Variants in SNX24 observed in about 807,000 individuals in gnomAD.
SNX24 encodes sorting nexin 24, also known as sorting nexin-24.
SNX24 carries 22 observed loss-of-function variants against 28.7 expected under a neutral mutation model. That is an observed-to-expected ratio of 0.77 (90% CI 0.55 to 1.10). The LOEUF is 1.10. Ranked by LOEUF, SNX24 falls within the 50% of genes least tolerant of loss-of-function variation. The probability of loss-of-function intolerance (pLI) is 0.00; values close to 1 mark genes in which losing one functional copy is unlikely to be tolerated. For synonymous variants in SNX24, 69 were observed against 71.5 expected (o/e 0.96, Z 0.18); for missense variants, 221 against 201.1 (o/e 1.10, Z -0.60).
chr5:122,887,210 A>G (rs556383088), intron 1 of SNX24, among the ~76,000 whole-genome samples: 53 of 152,330 alleles, frequency 3.5e-4, no homozygotes, highest in African/African-American at 1.2e-3. Flanking sequence ...TCCATTCACA[A>G]GTCTGAGTTG....
chr5:122,944,493 C>T (rs565675069), intron 2 of SNX24, among the ~76,000 whole-genome samples: 2 of 152,250 alleles, frequency 1.3e-5, no homozygotes, highest in African/African-American at 4.8e-5. Flanking sequence ...CAGTGCTAGC[C>T]ACATCCCTTA....
intron 1 of SNX24, among the ~76,000 whole-genome samples, chr5:122,886,097 C>T (rs958708333): frequency 3.3e-5 from 5 of 152,106 alleles, no homozygotes; most frequent in African/African-American, 9.7e-5. Flanking sequence ...GGTTGTACTC[C>T]AAAGTGCCAG....
intron 1 of SNX24, among the ~76,000 whole-genome samples, chr5:122,890,493 G>A (rs1447415333): frequency 3.1e-5 from 4 of 127,670 alleles, no homozygotes; most frequent in African/African-American, 6.1e-5. Context: ...TTTTTGACAC[G>A]GAATCTCACT....
chr5:122,982,756 A>G (rs1270352443), intron 3 of SNX24, among the ~76,000 whole-genome samples: 1 of 152,214 alleles, frequency 6.6e-6, no homozygotes, highest in Non-Finnish European at 1.5e-5. Context: ...TGGCTCAAAG[A>G]ATTTACTTTG....
intron 3 of SNX24, among the ~76,000 whole-genome samples, chr5:122,967,247 G>A (rs905705565): frequency 1.3e-5 from 2 of 152,132 alleles, no homozygotes; most frequent in Non-Finnish European, 2.9e-5. Flanking sequence ...CACCATACTA[G>A]CTCAGCAGCA....
chr5:123,000,645 A>C (rs1762214763), intron 4 of SNX24, among the ~76,000 whole-genome samples: 1 of 152,194 alleles, frequency 6.6e-6, no homozygotes, highest in Admixed American at 6.5e-5. Context: ...GTTTGATATC[A>C]TCAGCAATTA....
chr5:122,942,983 A>AT (rs1561633493), intron 2 of SNX24, among the ~76,000 whole-genome samples: 2 of 152,130 alleles, frequency 1.3e-5, no homozygotes, highest in Non-Finnish European at 2.9e-5. Flanking sequence ...AATAGAGTTG[A>AT]TTTTCTATTC....
rs78246823 is a variant in SNX24 at position 122,870,215 on chromosome 5, C to G, written c.60+24522C>G. Among the ~76,000 whole-genome samples the G allele has an allele frequency of 7.7e-3, 1,179 of 152,274 alleles. 9 individuals are homozygous for G. The highest frequency in any genetic ancestry group is 0.012 in the Non-Finnish European group (794 of 68,008). ...ACAAAGCTTTTTAGTCTCTATCAAC[C>G]TAAAGATCTTTGTTGTTATTCAAAA... On this transcript the variant is annotated intron_variant, in intron 1 of 6. Transcript: ENST00000261369.
intron 5 of SNX24, 66 bp downstream of exon 5, chr5:123,001,503 ATG>A: frequency 8.9e-7 from 1 of 1,122,850 alleles, no homozygotes. Flanking sequence ...ATCACCTACG[ATG>A]TGTTTCAAGT....
intron 1 of SNX24, among the ~76,000 whole-genome samples, chr5:122,928,097 A>G (rs1758780185): frequency 6.6e-6 from 1 of 152,052 alleles, no homozygotes; most frequent in African/African-American, 2.4e-5. Context: ...TGTTGGTTCT[A>G]CTTTCACTCA....
At chr5:122,921,730 G>A (rs569664929) in intron 1 of SNX24, among the ~76,000 whole-genome samples, 3 of 152,180 alleles carry the variant, frequency 2.0e-5, no homozygotes, top group African/African-American at 7.2e-5. Context: ...GCATGAATTA[G>A]AGCTTTGCGT....
intron 1 of SNX24, among the ~76,000 whole-genome samples, chr5:122,924,239 C>A (rs1758571971): frequency 6.6e-6 from 1 of 152,168 alleles, no homozygotes; most frequent in Non-Finnish European, 1.5e-5. Flanking sequence ...ACAAGAATAA[C>A]TATTACAATA....
At chr5:123,012,065 C>G (rs114312337), downstream of SNX24, among the ~76,000 whole-genome samples, 2,667 of 152,254 alleles carry the variant, frequency 0.018, 31 homozygotes, top group Non-Finnish European at 0.028. Flanking sequence ...GGCTTTTCCC[C>G]CTTTTGCTTG....
At chr5:122,974,539 C>T (rs1009007053) in intron 3 of SNX24, among the ~76,000 whole-genome samples, 1 of 152,236 alleles carries the variant, frequency 6.6e-6, no homozygotes, top group African/African-American at 2.4e-5. Flanking sequence ...AAATCAATGG[C>T]TGCATACCAG....
At chr5:122,976,441 A>G (rs867561490) in intron 3 of SNX24, among the ~76,000 whole-genome samples, 4 of 152,222 alleles carry the variant, frequency 2.6e-5, no homozygotes, top group Middle Eastern at 3.2e-3. Context: ...GACAAATAAC[A>G]TGAGTTTAGT....
chr5:122,851,109 A>G (rs2150030641), intron 1 of SNX24, among the ~76,000 whole-genome samples: 1 of 152,310 alleles, frequency 6.6e-6, no homozygotes, highest in African/African-American at 2.4e-5. Context: ...CAAAACTAGA[A>G]TTACTACTTA....
At chr5:122,914,367 T>A (rs1561588181) in intron 1 of SNX24, among the ~76,000 whole-genome samples, 2 of 152,248 alleles carry the variant, frequency 1.3e-5, no homozygotes, top group Non-Finnish European at 2.9e-5. Context: ...CTTTTCTTGT[T>A]GTGTCTCTGT....
chr5:122,995,222 C>A (rs78160226), intron 3 of SNX24, among the ~76,000 whole-genome samples: 2,434 of 152,296 alleles, frequency 0.016, 59 homozygotes, highest in African/African-American at 0.041. Context: ...TCCTTCCTTG[C>A]TAGTTTTGAC....
At chr5:122,979,163 G>A (rs1460210041) in intron 3 of SNX24, among the ~76,000 whole-genome samples, 1 of 152,136 alleles carries the variant, frequency 6.6e-6, no homozygotes, top group East Asian at 1.9e-4. Flanking sequence ...TAACTATCAC[G>A]CTGGCATCAG....
Sources: allele counts gnomAD v4.1 joint callset (sites outside exome capture counted in the v4.1 genomes callset), GRCh38; gene constraint gnomAD v4.1.1; transcripts MANE v1.5; gene names NCBI Gene and HGNC (gene_info 2026-07-23, HGNC 2026-07-21).